Variants in PER3 observed in about 807,000 individuals in gnomAD.
The protein encoded by PER3 is period circadian protein homolog 3.
A neutral mutation model predicts 127.2 loss-of-function variants in PER3; 107 were observed. That is an observed-to-expected ratio of 0.84 (90% CI 0.72 to 0.99). The LOEUF (loss-of-function observed/expected upper bound fraction) is 0.99, where lower values mean the gene tolerates loss of function less well. PER3 is among the 50% of genes least tolerant of loss of function. The pLI is 0.00. For synonymous variants in PER3, 618 were observed against 585.8 expected, an observed-to-expected ratio of 1.05 and a Z score of -0.79; for missense variants, 1,560 against 1,525.8, an observed-to-expected ratio of 1.02 and a Z score of -0.37.
intron 3 of PER3, among the ~76,000 whole-genome samples, chr1:7,786,394 G>A (rs1024985072): frequency 1.3e-5 from 2 of 152,128 alleles, no homozygotes; most frequent in African/African-American, 4.8e-5. Context: ...ACAAACCTCA[G>A]TGCTTCATAT....
intron 5 of PER3, among the ~76,000 whole-genome samples, chr1:7,791,407 G>A (rs557752148): frequency 2.0e-5 from 3 of 152,352 alleles, no homozygotes; most frequent in Admixed American, 1.3e-4. Flanking sequence ...TGAAGCAGCT[G>A]GAATGGAGGG....
intron 10 of PER3, among the ~76,000 whole-genome samples, chr1:7,807,333 C>T (rs977223086): frequency 6.6e-6 from 1 of 152,198 alleles, no homozygotes; most frequent in Non-Finnish European, 1.5e-5. Flanking sequence ...GCGATTGGTG[C>T]AGCTGTTCCA....
intron 13 of PER3, among the ~76,000 whole-genome samples, chr1:7,815,953 A>C (rs2097247567): frequency 7.3e-6 from 1 of 136,246 alleles, no homozygotes; most frequent in African/African-American, 2.8e-5. Context: ...AGATCCCACC[A>C]CTGCACTCCA....
chr1:7,828,212 C>G (rs1251246832), intron 18 of PER3, among the ~76,000 whole-genome samples: 1 of 152,192 alleles, frequency 6.6e-6, no homozygotes. Flanking sequence ...GCCATATTGA[C>G]AATTTAACGA....
intron 5 of PER3, among the ~76,000 whole-genome samples, chr1:7,790,944 C>T (rs889668076): frequency 6.6e-6 from 1 of 152,272 alleles, no homozygotes; most frequent in African/African-American, 2.4e-5. Context: ...CAGCCTTGGG[C>T]AGCTCTGCCC....
chr1:7,809,823 T>A, intron 11 of PER3, 70 bp from the exon 12 acceptor site: 1 of 1,430,058 alleles, frequency 7.0e-7, no homozygotes, highest in East Asian at 2.3e-5. Context: ...TACATGATTC[T>A]AGATGAGCTC....
In PER3 at chr1:7,819,322, G is replaced by A; in HGVS notation, c.1560G>A (p.Leu520=). 6.2e-7 allele frequency: 1 copy of A among 1,613,598 alleles called. No individual in the cohort carries two copies. The highest frequency in any genetic ancestry group is 8.5e-7 in the Non-Finnish European group (1 of 1,179,602). ...CKTFTSFHQT[L]KNNSVYTEPC... is the part of the protein sequence containing the mutation. ...CCTTTACTTCCTTCCACCAAACACTGAAAAACAATAGTGTGTACACTGAGC... is the reference window on the plus strand; with the variant it reads ...CCTTTACTTCCTTCCACCAAACACTAAAAAACAATAGTGTGTACACTGAGC... The change falls in exon 14 of 22, where the codon CTG becomes CTA. Residue 520 remains leucine, a synonymous_variant. Transcript: ENST00000377532.
At chr1:7,810,383 T>C in intron 12 of PER3, 55 bp from the exon 13 acceptor site, 4 of 1,287,952 alleles carry the variant, frequency 3.1e-6, no homozygotes, top group Non-Finnish European at 4.4e-6. Flanking sequence ...TTATGTATCT[T>C]TTAGTGGACA....
At chr1:7,837,376 T>A (rs1200682187) in intron 21 of PER3, among the ~76,000 whole-genome samples, 1 of 152,202 alleles carries the variant, frequency 6.6e-6, no homozygotes, top group South Asian at 2.1e-4. Context: ...AATACAGGTC[T>A]TTTTGCCTCC....
rs1314045129 is a variant in PER3 at position 7,830,377 on chromosome 1, T to G, written c.3214+216T>G. ...ACAAGAATTCTGACAGATGTGTACCTTAGTGTAAGCGCTACCACAATCACC... is the reference window on the plus strand; with the variant it reads ...ACAAGAATTCTGACAGATGTGTACCGTAGTGTAAGCGCTACCACAATCACC... On this transcript the variant is annotated intron_variant, in intron 19 of 21. Transcript: ENST00000377532. Among the ~76,000 whole-genome samples the G allele has an allele frequency of 2.6e-5, 4 of 152,160 alleles. No homozygotes were observed. The East Asian group carries it at 5.8e-4, about 22-fold the overall frequency.
At chr1:7,810,269 G>T (rs1206792639) in intron 12 of PER3, 169 bp from the exon 13 acceptor site, 2 of 618,852 alleles carry the variant, frequency 3.2e-6, no homozygotes, top group Non-Finnish European at 5.6e-6. Flanking sequence ...TTTAGAATTT[G>T]TTGGTACCAG....
In PER3 at chr1:7,834,167, G is replaced by A. The variant is rs200665489; in HGVS notation, c.3215-1595G>A. ...ACTCCTGACCTCAGGCGATCCGCCC[G>A]CCTTGGCCTCCCAAAGTGCTGGCAT... is the stretch of plus-strand genomic sequence containing the variant. On this transcript the variant is annotated intron_variant, in intron 19 of 21. Transcript: ENST00000377532. 3.0e-4 allele frequency among the ~76,000 whole-genome samples: 45 copies of A among 152,248 alleles called. No homozygotes were observed. The East Asian group carries it at 5.4e-3, about 18-fold the overall frequency.
chr1:7,806,812 A>ATATATATATAT (rs1553309916), intron 10 of PER3, among the ~76,000 whole-genome samples: 188 of 60,594 alleles, frequency 3.1e-3, no homozygotes, highest in Non-Finnish European at 4.2e-3. Flanking sequence ...AAAAAAAAAA[A>ATATATATATAT]ATATATATAT....
intron 21 of PER3, among the ~76,000 whole-genome samples, chr1:7,839,749 A>G (rs1248761514): frequency 2.0e-5 from 3 of 152,210 alleles, no homozygotes; most frequent in African/African-American, 7.2e-5. Context: ...ATATCTGCTG[A>G]TAATCTTATC....
chr1:7,810,053 G>T (rs746777950), intron 12 of PER3, 32 bp downstream of exon 12: 1 of 1,594,590 alleles, frequency 6.3e-7, no homozygotes, highest in South Asian at 1.1e-5. Flanking sequence ...TCTTATACAG[G>T]CATCGTGTTT....
At chr1:7,811,305 G>A (rs2097218172) in intron 13 of PER3, among the ~76,000 whole-genome samples, 1 of 152,068 alleles carries the variant, frequency 6.6e-6, no homozygotes, top group African/African-American at 2.4e-5. Context: ...TACACAGTGG[G>A]GTGAAATTTT....
At chr1:7,810,362 G>A in intron 12 of PER3, 76 bp from the exon 13 acceptor site, 1 of 1,033,094 alleles carries the variant, frequency 9.7e-7, no homozygotes, top group Non-Finnish European at 1.4e-6. Context: ...CAGAAGCTAA[G>A]TGTATTTTGT....
In PER3 at chr1:7,840,432, A is replaced by G. The variant is rs1323988601; in HGVS notation, c.3550-2240A>G. 4.0e-5 allele frequency among the ~76,000 whole-genome samples: 6 copies of G among 150,586 alleles called. No homozygotes were observed. The South Asian group carries it at 8.4e-4, about 21-fold the overall frequency. Reference sequence around the variant, plus strand: ...AGCCTCAGTCTCCTGGGCTCAAGCAATCCTCCCACCTCAGCCTCCCGAGTA... The same window carrying G: ...AGCCTCAGTCTCCTGGGCTCAAGCAGTCCTCCCACCTCAGCCTCCCGAGTA... On this transcript the variant is annotated intron_variant, in intron 21 of 21. Coordinates refer to ENST00000377532, the MANE Select transcript of PER3 (RefSeq NM_001377275.1).
intron 6 of PER3, among the ~76,000 whole-genome samples, chr1:7,797,982 G>T (rs1037499270): frequency 6.6e-6 from 1 of 152,086 alleles, no homozygotes; most frequent in Non-Finnish European, 1.5e-5. Context: ...TGCTGAACTC[G>T]GTTTTAGCCT....
Sources: gnomAD v4.1 joint callset for allele counts (sites outside exome capture counted in the v4.1 genomes callset) on GRCh38, gnomAD v4.1.1 for gene constraint, MANE v1.5 for transcripts, NCBI Gene and HGNC (gene_info 2026-07-23, HGNC 2026-07-21) for gene names.